Variants in FGF14 observed in about 807,000 individuals in gnomAD.
FGF14 encodes fibroblast growth factor homologous factor 4.
FGF14 carries 5 observed loss-of-function variants against 25.5 expected under a neutral mutation model. The ratio of observed to expected loss-of-function variants is 0.20; its 90% CI spans 0.10 to 0.41. FGF14 has a LOEUF of 0.41. FGF14 is among the 10% of genes least tolerant of loss of function. FGF14 has a pLI of 1.00. For missense variants in FGF14, 222 were observed against 320.1 expected (o/e 0.69, Z 2.34); for synonymous variants, 138 against 118.3 (o/e 1.17, Z -1.08).
rs2040223920 is a variant in FGF14, at chr13:101,791,385, T to C, written c.409-64575A>G. Among the ~76,000 whole-genome samples, 3 of 152,210 alleles carry C rather than the reference T, an allele frequency of 2.0e-5. No homozygotes were observed. In the South Asian group the frequency reaches 6.2e-4, roughly 31 times the overall value. On this transcript the variant is annotated intron_variant, in intron 3 of 4. Coordinates refer to ENST00000376143, the MANE Select transcript of FGF14 (RefSeq NM_004115.4). ...TTCTACACTCACCACTCCTAACCTT[T>C]ACATTACATTTTTTTGTAAGTTTTG...
intron 1 of FGF14, among the ~76,000 whole-genome samples, chr13:102,168,354 T>G (rs576720260): frequency 6.6e-6 from 1 of 151,312 alleles, no homozygotes; most frequent in South Asian, 2.1e-4. Flanking sequence ...ATTTTTGTAG[T>G]TTTTTGTAGA....
At chr13:102,009,820 TTC>T (rs571287993) in intron 1 of FGF14, among the ~76,000 whole-genome samples, 102 of 152,304 alleles carry the variant, frequency 6.7e-4, no homozygotes, top group African/African-American at 2.4e-3. Flanking sequence ...GTACCGTCAC[TTC>T]TCTTTTCCTC....
intron 1 of FGF14, among the ~76,000 whole-genome samples, chr13:102,073,342 C>T (rs2043226649): frequency 6.6e-6 from 1 of 152,194 alleles, no homozygotes; most frequent in Non-Finnish European, 1.5e-5. Flanking sequence ...GTCTGTCCCT[C>T]CCCATGCACG....
At chr13:102,230,512 T>C (rs1346257702) in intron 1 of FGF14, among the ~76,000 whole-genome samples, 1 of 152,160 alleles carries the variant, frequency 6.6e-6, no homozygotes, top group Non-Finnish European at 1.5e-5. Flanking sequence ...GGTTCATTTA[T>C]ACCAGCTCCC....
At chr13:102,271,503 G>A (rs907346058) in intron 1 of FGF14, among the ~76,000 whole-genome samples, 2 of 138,824 alleles carry the variant, frequency 1.4e-5, no homozygotes, top group African/African-American at 5.1e-5. Flanking sequence ...ATCAATGGAA[G>A]CTAAAATCAA....
At chr13:102,069,055 G>C (rs1306786199) in intron 1 of FGF14, among the ~76,000 whole-genome samples, 1 of 152,046 alleles carries the variant, frequency 6.6e-6, no homozygotes, top group Non-Finnish European at 1.5e-5. Context: ...GTATCTAGCT[G>C]CTCTGGTGGG....
At chr13:101,865,265 G>C (rs1482712395) in intron 3 of FGF14, among the ~76,000 whole-genome samples, 2 of 152,030 alleles carry the variant, frequency 1.3e-5, no homozygotes, top group African/African-American at 4.8e-5. Context: ...AAAGTCACAG[G>C]CTTGGAAAAC....
intron 1 of FGF14, among the ~76,000 whole-genome samples, chr13:102,305,109 C>T (rs186784142): frequency 6.6e-5 from 10 of 152,246 alleles, no homozygotes; most frequent in Non-Finnish European, 1.5e-4. Flanking sequence ...AAATTCAACT[C>T]AGCACTGAAA....
intron 1 of FGF14, among the ~76,000 whole-genome samples, chr13:102,099,218 G>A (rs773271957): frequency 1.3e-5 from 2 of 152,186 alleles, no homozygotes; most frequent in African/African-American, 4.8e-5. Context: ...TGGACACAGA[G>A]AGAAGATAAA....
In FGF14 at chr13:101,717,315, T is replaced by C. The variant is rs905120640; in HGVS notation, c.*5516A>G. On this transcript the variant is annotated 3_prime_UTR_variant, in exon 5 of 5. Transcript: ENST00000376143. ...TGTAATAGATTTATAAAAATTGTTA[T>C]CTCTATCCTGAGATTAAGGAGTGCA... 2 of 152,146 alleles carry C rather than the reference T, an allele frequency of 1.3e-5. No homozygotes were observed. Among genetic ancestry groups the C allele is most frequent in the Non-Finnish European group, 2.9e-5 (2 of 68,020 alleles). 9.4% of individuals were successfully genotyped at this position (152,146 alleles called of 1,614,324 possible).
intron 1 of FGF14, among the ~76,000 whole-genome samples, chr13:101,882,973 G>T (rs1459748353): frequency 1.3e-5 from 2 of 151,910 alleles, no homozygotes; most frequent in Admixed American, 6.6e-5. Flanking sequence ...CTCCCAAACA[G>T]CAAGGGAAGG....
At chr13:102,147,908 T>A (rs1594146071) in intron 1 of FGF14, among the ~76,000 whole-genome samples, 1 of 152,364 alleles carries the variant, frequency 6.6e-6, no homozygotes, top group African/African-American at 2.4e-5. Flanking sequence ...TGCCAGGCCA[T>A]GCATTTAGAG....
chr13:102,195,912 T>C (rs1406527730), intron 1 of FGF14, among the ~76,000 whole-genome samples: 1 of 151,712 alleles, frequency 6.6e-6, no homozygotes, highest in Non-Finnish European at 1.5e-5. Flanking sequence ...TACATTTGGA[T>C]AATGATTTTT....
At chr13:101,866,246 A>G (rs2044699557) in intron 3 of FGF14, among the ~76,000 whole-genome samples, 1 of 152,138 alleles carries the variant, frequency 6.6e-6, no homozygotes, top group Non-Finnish European at 1.5e-5. Flanking sequence ...CAATTCCCTA[A>G]AAGTTTTTCA....
intron 1 of FGF14, among the ~76,000 whole-genome samples, chr13:101,961,386 A>G (rs1006907676): frequency 6.6e-6 from 1 of 152,194 alleles, no homozygotes; most frequent in African/African-American, 2.4e-5. Context: ...GAAGAGGTCC[A>G]GTTTCAATTT....
chr13:102,122,700 A>G (rs2045783087), intron 1 of FGF14, among the ~76,000 whole-genome samples: 1 of 152,246 alleles, frequency 6.6e-6, no homozygotes, highest in Non-Finnish European at 1.5e-5. Flanking sequence ...AGGAAAATGA[A>G]CAGTTTGGTC....
intron 1 of FGF14, among the ~76,000 whole-genome samples, chr13:102,073,915 T>C (rs1434585094): frequency 6.6e-6 from 1 of 152,232 alleles, no homozygotes; most frequent in Non-Finnish European, 1.5e-5. Flanking sequence ...ATAATAGTTG[T>C]ATCATTCTCA....
intron 3 of FGF14, among the ~76,000 whole-genome samples, chr13:101,829,170 A>G (rs115699925): frequency 2.0e-3 from 311 of 152,260 alleles, no homozygotes; most frequent in African/African-American, 7.1e-3. Context: ...GTCTTTACAG[A>G]AAGCATACAT....
chr13:101,767,278 G>A (rs1018190750), intron 3 of FGF14, among the ~76,000 whole-genome samples: 1 of 152,086 alleles, frequency 6.6e-6, no homozygotes, highest in Admixed American at 6.6e-5. Flanking sequence ...AGAATCTCCT[G>A]GGGAGCTGTT....
Sources: gnomAD v4.1 joint callset for allele counts (sites outside exome capture counted in the v4.1 genomes callset) on GRCh38, gnomAD v4.1.1 for gene constraint, MANE v1.5 for transcripts, NCBI Gene and HGNC (gene_info 2026-07-23, HGNC 2026-07-21) for gene names.